Variants in ABCC1 observed in about 807,000 individuals in gnomAD.
ABCC1 encodes the protein ATP binding cassette subfamily C member 1 (ABCC1 blood group), also known as multidrug resistance-associated protein 1.
Under a neutral mutation model 172.9 loss-of-function variants are expected in ABCC1, and 83 were observed. The observed-to-expected ratio is 0.48, with a 90% confidence interval of 0.40 to 0.58. The LOEUF (loss-of-function observed/expected upper bound fraction) is 0.58. ABCC1 is among the 20% of genes least tolerant of loss of function. The pLI, the probability that ABCC1 is intolerant of heterozygous loss-of-function variation, is 0.00. For synonymous variants in ABCC1, 937 were observed against 825.2 expected, an observed-to-expected ratio of 1.14 and a Z score of -2.32; for missense variants, 1,817 against 2,002.7, an observed-to-expected ratio of 0.91 and a Z score of 1.77.
intron 1 of ABCC1, among the ~76,000 whole-genome samples, chr16:15,983,032 A>G (rs1444257099): frequency 6.6e-6 from 1 of 152,250 alleles, no homozygotes; most frequent in East Asian, 1.9e-4. Context: ...ACAGTATAAA[A>G]TAGTGCCTGA....
chr16:16,138,446 G>T lies in ABCC1; in HGVS notation c.4375G>T (p.Ala1459Ser), dbSNP rs748516564. ...KILVLDEATA[A>S]VDLETDDLIQ... is the part of the protein sequence containing the mutation. Reference sequence around the variant, plus strand: ...CCTTGTGTTGGATGAGGCCACGGCAGCCGTGGACCTGGAAACGGACGACCT... The same window carrying T: ...CCTTGTGTTGGATGAGGCCACGGCATCCGTGGACCTGGAAACGGACGACCT... Residue 1459 changes from alanine to serine, a missense_variant, in exon 30 of 31, where the codon GCC becomes TCC. Physicochemically the swap from Ala to Ser is moderately conservative, Grantham distance 99. Coordinates refer to ENST00000399410, the MANE Select transcript of ABCC1 (RefSeq NM_004996.4). 1.2e-6 allele frequency: 2 copies of T among 1,612,956 alleles called. No homozygotes were observed. The highest frequency in any genetic ancestry group is 3.3e-5 in the Admixed American group (2 of 59,968).
At chr16:16,007,063 A>G (rs900554525) in intron 1 of ABCC1, among the ~76,000 whole-genome samples, 1 of 152,184 alleles carries the variant, frequency 6.6e-6, no homozygotes, top group Non-Finnish European at 1.5e-5. Context: ...CTCTTCGGTT[A>G]TAAGAGAATA....
intron 12 of ABCC1, among the ~76,000 whole-genome samples, chr16:16,064,726 T>C (rs985187171): frequency 1.3e-5 from 2 of 152,058 alleles, no homozygotes; most frequent in Non-Finnish European, 2.9e-5. Flanking sequence ...CTCCCACCCA[T>C]CCATTATCTA....
At chr16:16,126,833 A>G (rs13332486) in intron 26 of ABCC1, among the ~76,000 whole-genome samples, 11,678 of 152,292 alleles carry the variant, frequency 0.077, 617 homozygotes, top group Admixed American at 0.14. Context: ...GAATGAGTAC[A>G]TGCATACTAC....
At chr16:15,987,847 C>G (rs1048719217) in intron 1 of ABCC1, among the ~76,000 whole-genome samples, 1 of 152,216 alleles carries the variant, frequency 6.6e-6, no homozygotes, top group Admixed American at 6.5e-5. Context: ...TCAGAAATGC[C>G]AGGCCTGGTC....
intron 1 of ABCC1, among the ~76,000 whole-genome samples, chr16:15,992,368 C>A (rs546639681): frequency 6.6e-6 from 1 of 152,264 alleles, no homozygotes; most frequent in South Asian, 2.1e-4. Flanking sequence ...TCGTCTTCCA[C>A]AAAACCTATC....
intron 29 of ABCC1, among the ~76,000 whole-genome samples, chr16:16,137,540 G>C (rs1465036712): frequency 7.4e-6 from 1 of 134,274 alleles, no homozygotes; most frequent in Non-Finnish European, 1.6e-5. Context: ...GCATGGGTAT[G>C]AGGCCTTTTT....
intron 1 of ABCC1, among the ~76,000 whole-genome samples, chr16:15,963,430 T>G (rs938375223): frequency 2.0e-5 from 3 of 152,232 alleles, no homozygotes; most frequent in African/African-American, 7.2e-5. Flanking sequence ...GGACTCTGTG[T>G]GGGGGCTCTG....
At chr16:15,990,006 AG>A (rs2046822159) in intron 1 of ABCC1, among the ~76,000 whole-genome samples, 1 of 152,078 alleles carries the variant, frequency 6.6e-6, no homozygotes, top group African/African-American at 2.4e-5. Context: ...CCTCCCAAGT[AG>A]GTGGGATTAC....
At chr16:16,017,775 A>G (rs1166904892) in intron 5 of ABCC1, among the ~76,000 whole-genome samples, 1 of 152,022 alleles carries the variant, frequency 6.6e-6, no homozygotes, top group Non-Finnish European at 1.5e-5. Context: ...GCAGCTTTTG[A>G]TAAGAGAGAT....
At chr16:16,012,764 C>G (rs928899238) in intron 3 of ABCC1, among the ~76,000 whole-genome samples, 1 of 150,988 alleles carries the variant, frequency 6.6e-6, no homozygotes, top group Non-Finnish European at 1.5e-5. Context: ...CTCACTGCAA[C>G]CTCTGCCTCC....
intron 1 of ABCC1, among the ~76,000 whole-genome samples, chr16:15,953,843 C>T (rs2045930130): frequency 6.6e-6 from 1 of 152,104 alleles, no homozygotes; most frequent in Non-Finnish European, 1.5e-5. Flanking sequence ...CCTCTTGGGG[C>T]TAGGTCTGGG....
In ABCC1 at chr16:16,141,243, C is replaced by G. The variant is rs2152190650; in HGVS notation, c.4558C>G (p.Leu1520Val). 2 of 1,614,106 alleles carry G rather than the reference C, an allele frequency of 1.2e-6. No individual in the cohort carries two copies. The highest frequency in any genetic ancestry group is 1.1e-5 in the South Asian group (1 of 91,086). The change falls in exon 31 of 31, where the codon CTT becomes GTT. Residue 1520 changes from leucine to valine, a missense_variant. Around this residue, in one of 3 missense-constraint regions of ABCC1, gnomAD observed 1,412 missense variants for 1,600.3 expected, o/e 0.88. Coordinates refer to ENST00000399410, the MANE Select transcript of ABCC1 (RefSeq NM_004996.4). The part of the protein sequence containing the change: ...APSDLLQQRG[L>V]FYSMAKDAGL... ...ATCGGACCTCCTGCAGCAGAGAGGTCTTTTCTACAGCATGGCCAAAGACGC... is the reference window on the plus strand; with the variant it reads ...ATCGGACCTCCTGCAGCAGAGAGGTGTTTTCTACAGCATGGCCAAAGACGC...
intron 19 of ABCC1, among the ~76,000 whole-genome samples, chr16:16,090,984 T>G (rs1384564893): frequency 1.3e-5 from 2 of 151,978 alleles, no homozygotes; most frequent in Non-Finnish European, 2.9e-5. Flanking sequence ...ACAAGAGATG[T>G]GAGGGTTGTG....
At chr16:15,983,610 C>T (rs947059883) in intron 1 of ABCC1, among the ~76,000 whole-genome samples, 7 of 142,656 alleles carry the variant, frequency 4.9e-5, no homozygotes, top group African/African-American at 1.0e-4. Context: ...GGCTGGAGAG[C>T]AATGGCATGA....
Position 15,976,308 on chromosome 16 carries a change from G to A in ABCC1, c.48+26509G>A, listed in dbSNP as rs371838742. ...CAACAGAGAAAAGGCGGATCGTTAA[G>A]GCTTCTTTGGCACTTCCTAAGTGCC... On this transcript the variant is annotated intron_variant, in intron 1 of 30. Coordinates refer to ENST00000399410, the MANE Select transcript of ABCC1 (RefSeq NM_004996.4). 4.0e-4 allele frequency among the ~76,000 whole-genome samples: 61 copies of A among 152,254 alleles called. No individual in the cohort carries two copies. In the South Asian group the frequency reaches 0.012, roughly 30 times the overall value.
intron 22 of ABCC1, among the ~76,000 whole-genome samples, chr16:16,112,587 C>T (rs6498601): frequency 0.95 from 144,006 of 152,064 alleles, 68,722 homozygotes; most frequent in Middle Eastern, 1. Context: ...GATACAGAAA[C>T]TGAGGCCCGG....
At chr16:16,105,691 C>T (rs1394694744) in intron 20 of ABCC1, among the ~76,000 whole-genome samples, 1 of 150,396 alleles carries the variant, frequency 6.6e-6, no homozygotes, top group Non-Finnish European at 1.5e-5. Flanking sequence ...GCATGGTCTC[C>T]ATAATTTCTT....
chr16:16,118,410 G>C (rs1006289232), intron 23 of ABCC1, among the ~76,000 whole-genome samples: 4 of 140,610 alleles, frequency 2.8e-5, no homozygotes, highest in African/African-American at 1.1e-4. Flanking sequence ...ATATCCTCTT[G>C]AAATTGGTGC....
Sources: allele counts gnomAD v4.1 joint callset (sites outside exome capture counted in the v4.1 genomes callset), GRCh38; gene constraint gnomAD v4.1.1; regional missense constraint gnomAD v4.1.1; transcripts MANE v1.5; gene names NCBI Gene and HGNC (gene_info 2026-07-23, HGNC 2026-07-21).